The following DHX15 variants were observed in gnomAD, a reference collection of about 807,000 sequenced individuals.
DHX15 encodes DEAH-box helicase 15.
Under a neutral mutation model 94.4 loss-of-function variants are expected in DHX15, and 11 were observed. The ratio of observed to expected loss-of-function variants is 0.12; its 90% CI spans 0.07 to 0.19. The LOEUF (loss-of-function observed/expected upper bound fraction) is 0.19, where lower values mean the gene tolerates loss of function less well. Among genes scored for constraint, DHX15 ranks in the 10% least tolerant of loss-of-function variants. The pLI, the probability that DHX15 is intolerant of heterozygous loss-of-function variation, is 1.00. For synonymous variants in DHX15, 338 were observed against 329.9 expected (o/e 1.02, Z -0.27); for missense variants, 304 against 988.5 (o/e 0.31, Z 9.29).
At chr4:24,559,432 G>A (rs1721816139) in intron 3 of DHX15, among the ~76,000 whole-genome samples, 1 of 144,852 alleles carries the variant, frequency 6.9e-6, no homozygotes, top group South Asian at 2.2e-4. Context: ...ACTGTTAAAT[G>A]TATGAAACCC....
At chr4:24,533,259 G>T (rs188446500) in intron 11 of DHX15, 3 of 578,374 alleles carry the variant, frequency 5.2e-6, no homozygotes, top group South Asian at 4.5e-5. Context: ...CAGTAACAAG[G>T]CTTTTGGATT....
At chr4:24,547,919 A>ATCTATATC (rs1285438672) in intron 6 of DHX15, among the ~76,000 whole-genome samples, 2 of 25,238 alleles carry the variant, frequency 7.9e-5, no homozygotes, top group Admixed American at 1.1e-3. Context: ...ATATATATAT[A>ATCTATATC]TATATATATA....
rs143083641 is a variant in DHX15 at position 24,553,141 on chromosome 4, G to A, written c.1080+1584C>T. 5.1e-4 allele frequency among the ~76,000 whole-genome samples: 77 copies of A among 151,882 alleles called. 1 individual carries two copies. In the East Asian group the frequency reaches 0.013, roughly 25 times the overall value. ...AGTTCAAGACCAGCCTGACCAACAC[G>A]GAGAAACCCCATCTCTACCAAAAAT... On this transcript the variant is annotated intron_variant, in intron 5 of 13. Transcript: ENST00000336812.
intron 12 of DHX15, chr4:24,530,008 G>GA: frequency 3.7e-6 from 2 of 544,934 alleles, no homozygotes; most frequent in Non-Finnish European, 6.4e-6. Flanking sequence ...TCTTTAATTA[G>GA]AAAGAAAAAA....
chr4:24,572,712 G>C (rs1298894457), intron 2 of DHX15, among the ~76,000 whole-genome samples: 1 of 152,146 alleles, frequency 6.6e-6, no homozygotes, highest in Non-Finnish European at 1.5e-5. Flanking sequence ...AACTTAGCTA[G>C]AAGAGTGCGT....
intron 6 of DHX15, among the ~76,000 whole-genome samples, chr4:24,546,078 T>G (rs1331104190): frequency 1.3e-5 from 2 of 152,170 alleles, no homozygotes; most frequent in East Asian, 1.9e-4. Flanking sequence ...TCATTTGCCC[T>G]ACCTGAATAC....
chr4:24,547,588 CACA>C lies in DHX15; in HGVS notation c.1248+1264_1248+1266del, dbSNP rs1476174830. On this transcript the variant is annotated intron_variant, in intron 6 of 13. Coordinates refer to ENST00000336812, the MANE Select transcript of DHX15 (RefSeq NM_001358.3). ...CCAGTTTCACTCAATGGTAAACAAA[CACA>C]ACGTTTTAAAAATAAAACAAATACA... Among the ~76,000 whole-genome samples the C allele has an allele frequency of 3.2e-4, 49 of 152,118 alleles. No individual in the cohort carries two copies. The East Asian group carries it at 8.1e-3, about 25-fold the overall frequency.
chr4:24,553,501 T>G (rs1721657097), intron 5 of DHX15, among the ~76,000 whole-genome samples: 1 of 150,574 alleles, frequency 6.6e-6, no homozygotes, highest in Admixed American at 6.6e-5. Context: ...GGGCCAGGTG[T>G]GGTGGCTCGC....
At chr4:24,570,375 T>A (rs1246481205) in intron 3 of DHX15, among the ~76,000 whole-genome samples, 1 of 152,214 alleles carries the variant, frequency 6.6e-6, no homozygotes. Flanking sequence ...TACACCATTG[T>A]GTCTACTAAA....
chr4:24,538,602 G>T (rs1346897449), intron 10 of DHX15: 1 of 152,046 alleles, frequency 6.6e-6, no homozygotes, highest in Non-Finnish European at 1.5e-5. Flanking sequence ...TTTATTCCCT[G>T]ACTTCTTACT....
intron 2 of DHX15, 88 bp downstream of exon 2, chr4:24,576,155 C>G (rs2109011565): frequency 9.5e-7 from 1 of 1,053,170 alleles, no homozygotes; most frequent in Non-Finnish European, 1.4e-6. Context: ...ATAGGACAGA[C>G]AAGGGAAATG....
At chr4:24,564,541 C>T (rs2109005738) in intron 3 of DHX15, among the ~76,000 whole-genome samples, 1 of 152,326 alleles carries the variant, frequency 6.6e-6, no homozygotes, top group South Asian at 2.1e-4. Flanking sequence ...AATCTCTATA[C>T]ATTCAAATCA....
chr4:24,536,153 A>C (rs1302341279), intron 11 of DHX15, among the ~76,000 whole-genome samples: 2 of 152,198 alleles, frequency 1.3e-5, no homozygotes, highest in Non-Finnish European at 2.9e-5. Flanking sequence ...TTCCTCATTT[A>C]CAAGTCACTG....
intron 5 of DHX15, among the ~76,000 whole-genome samples, chr4:24,550,700 C>G (rs1329551319): frequency 6.6e-6 from 1 of 152,134 alleles, no homozygotes; most frequent in African/African-American, 2.4e-5. Context: ...TAGAACACCT[C>G]CTGAAGGACC....
chr4:24,567,832 A>C (rs972600464), intron 3 of DHX15, among the ~76,000 whole-genome samples: 2 of 152,214 alleles, frequency 1.3e-5, no homozygotes, highest in African/African-American at 4.8e-5. Context: ...AGAATGCTTC[A>C]GAAGAAAAGG....
At chr4:24,532,800 G>C in intron 12 of DHX15, 64 bp downstream of exon 12, 1 of 1,246,484 alleles carries the variant, frequency 8.0e-7, no homozygotes, top group Admixed American at 2.3e-5. Context: ...GGATTCAAAG[G>C]ACTGTTAATA....
intron 3 of DHX15, among the ~76,000 whole-genome samples, chr4:24,567,748 CT>C: frequency 6.6e-6 from 1 of 152,262 alleles, no homozygotes; most frequent in South Asian, 2.1e-4. Flanking sequence ...CTGGTAAGCT[CT>C]TTAGGTATCT....
chr4:24,572,891 T>C (rs1343479783), intron 2 of DHX15, among the ~76,000 whole-genome samples: 1 of 152,124 alleles, frequency 6.6e-6, no homozygotes, highest in African/African-American at 2.4e-5. Context: ...TACTGGTGTA[T>C]TCAAGCCAGG....
At chr4:24,570,945 A>G in intron 2 of DHX15, 98 bp from the exon 3 acceptor site, 1 of 1,228,062 alleles carries the variant, frequency 8.1e-7, no homozygotes, top group Non-Finnish European at 1.1e-6. Flanking sequence ...ATTTAAAACC[A>G]AATCCAATTA....
Sources: gnomAD v4.1 joint callset for allele counts (sites outside exome capture counted in the v4.1 genomes callset) on GRCh38, gnomAD v4.1.1 for gene constraint, MANE v1.5 for transcripts, NCBI Gene and HGNC (gene_info 2026-07-23, HGNC 2026-07-21) for gene names.